The following GNL3L variants were observed in gnomAD, a reference collection of about 807,000 sequenced individuals.
The protein encoded by GNL3L is guanine nucleotide-binding protein-like 3-like protein.
GNL3L carries 4 observed loss-of-function variants against 42.9 expected under a neutral mutation model. The observed-to-expected ratio is 0.09, with a 90% confidence interval of 0.05 to 0.21. The LOEUF (loss-of-function observed/expected upper bound fraction) is 0.21. Among genes scored for constraint, GNL3L ranks in the 10% least tolerant of loss-of-function variants. The pLI, the probability that GNL3L is intolerant of heterozygous loss-of-function variation, is 1.00. For missense variants in GNL3L, 412 were observed against 481.7 expected, an observed-to-expected ratio of 0.86 and a Z score of 1.36; for synonymous variants, 159 against 176.3, an observed-to-expected ratio of 0.90 and a Z score of 0.78.
chrX:54,590,128 C>T (rs191034286), intron 16 of GNL3L, among the ~76,000 whole-genome samples: 17 of 110,749 alleles, frequency 1.5e-4, no homozygotes, highest in African/African-American at 4.6e-4. Context: ...TTAGTAGAGA[C>T]GGAGTTTCAC....
At chrX:54,603,981 A>G (rs1926030196) in intron 16 of GNL3L, among the ~76,000 whole-genome samples, 1 of 110,988 alleles carries the variant, frequency 9.0e-6, no homozygotes, top group African/African-American at 3.3e-5. Flanking sequence ...TACTAAATAT[A>G]TAAAAATTAG....
chrX:54,547,240 G>A (rs1386675707), intron 8 of GNL3L, among the ~76,000 whole-genome samples: 2 of 109,747 alleles, frequency 1.8e-5, no homozygotes, highest in Non-Finnish European at 3.8e-5. Context: ...CAAGTGATCC[G>A]CCTGCCTTGG....
intron 14 of GNL3L, among the ~76,000 whole-genome samples, 188 bp from the exon 15 acceptor site, chrX:54,558,244 CAGAT>C (rs1411420708): frequency 1.8e-5 from 2 of 110,838 alleles, no homozygotes; most frequent in Admixed American, 1.9e-4. Context: ...CCCCATTTGA[CAGAT>C]AGGGAACTGA....
intron 8 of GNL3L, among the ~76,000 whole-genome samples, chrX:54,546,796 G>C (rs1924786344): frequency 9.2e-6 from 1 of 108,625 alleles, no homozygotes. Context: ...ACAGGCATGT[G>C]CTACCACGTC....
chrX:54,590,055 T>C (rs1199640847), intron 16 of GNL3L, among the ~76,000 whole-genome samples: 2 of 110,775 alleles, frequency 1.8e-5, no homozygotes, highest in Admixed American at 1.9e-4. Flanking sequence ...TTCTCCTGCC[T>C]CAGCCTCCCG....
chrX:54,541,639 G>A (rs1156595632), intron 5 of GNL3L, among the ~76,000 whole-genome samples: 2 of 110,099 alleles, frequency 1.8e-5, no homozygotes, highest in African/African-American at 6.6e-5. Context: ...CTGAAGACTG[G>A]GGCTGGTGGC....
intron 16 of GNL3L, among the ~76,000 whole-genome samples, chrX:54,592,824 A>C (rs185418787): frequency 0.011 from 1,216 of 110,738 alleles, 15 homozygotes; most frequent in African/African-American, 0.039. Context: ...CAAAAAAAAA[A>C]AAACAAAAAG....
rs1924559299 is a variant in GNL3L, at chrX:54,540,003, A to ATGAG, written c.82-131_82-128dup. On this transcript the variant is annotated intron_variant, in intron 3 of 15. Coordinates refer to ENST00000360845, the MANE Select transcript of GNL3L (RefSeq NM_001184819.2). ...ACCTTGGGAGTGAGGGGATGAGAGGATGAGAGGATTGAGAGATAGAAGGGG... is the reference window on the plus strand; with the variant it reads ...ACCTTGGGAGTGAGGGGATGAGAGGATGAGTGAGAGGATTGAGAGATAGAAGGGG... 6.3e-6 allele frequency: 3 copies of ATGAG among 475,101 alleles called. No individual in the cohort carries two copies. In the African/African-American group the frequency reaches 7.2e-5, roughly 11 times the overall value. 39.2% of individuals were successfully genotyped at this position (475,101 alleles called of 1,213,427 possible). A position where few individuals can be genotyped will look rare whatever the true frequency, so the allele number is the denominator to read the frequency against.
intron 16 of GNL3L, among the ~76,000 whole-genome samples, chrX:54,613,012 A>G (rs1293205152): frequency 9.0e-6 from 1 of 111,540 alleles, no homozygotes; most frequent in Non-Finnish European, 1.9e-5. Flanking sequence ...TGATTATTCT[A>G]CTGAATATGT....
intron 8 of GNL3L, among the ~76,000 whole-genome samples, 163 bp downstream of exon 8, chrX:54,544,489 G>T (rs1461120739): frequency 9.8e-6 from 1 of 101,685 alleles, no homozygotes; most frequent in Non-Finnish European, 2.0e-5. Flanking sequence ...TTTTTTTTGA[G>T]ATGGAGTTTC....
chrX:54,644,172 T>TTTTTTAG, the GNL3L span, among the ~76,000 whole-genome samples: 1 of 111,712 alleles, frequency 9.0e-6, no homozygotes, highest in South Asian at 3.7e-4. Flanking sequence ...CTAGTTTTAG[T>TTTTTTAG]TTTTTGAGGA....
chrX:54,628,759 G>C, the GNL3L span, among the ~76,000 whole-genome samples: 1 of 107,774 alleles, frequency 9.3e-6, no homozygotes, highest in Non-Finnish European at 1.9e-5. Flanking sequence ...GTAAATTTTG[G>C]ATATTAGTTC....
chrX:54,622,154 CTAA>C (rs1926293669), downstream of GNL3L, among the ~76,000 whole-genome samples: 1 of 109,896 alleles, frequency 9.1e-6, no homozygotes. Context: ...TCTCTAATGA[CTAA>C]TAATGTTGAG....
the GNL3L span, among the ~76,000 whole-genome samples, chrX:54,626,756 T>C: frequency 7.2e-4 from 81 of 112,038 alleles, no homozygotes; most frequent in East Asian, 0.019. Flanking sequence ...TGCATTTACC[T>C]GATCATTAGT....
At position 54,615,588 on chromosome X, in the gene GNL3L, C is replaced by T. The variant is rs777256880; in HGVS notation, c.*46-5257C>T. ...AGATGTTAATGGAGTTAACTGGAGA[C>T]GAAGTCTTCCCCTTTATCTCTACTA... On this transcript the variant is annotated intron_variant, in intron 16 of 16. Coordinates refer to the GNL3L transcript ENST00000674498. Among the ~76,000 whole-genome samples the T allele has an allele frequency of 2.3e-4, 26 of 111,827 alleles. 1 individual carries two copies. The highest frequency in any genetic ancestry group is 1.5e-3 in the Admixed American group (16 of 10,587).
chrX:54,541,307 G>C lies in GNL3L; in HGVS notation c.224G>C (p.Arg75Pro). ...EEMREKQQAAREQERQKRRTI... is the reference protein window; with the variant it reads ...EEMREKQQAAPEQERQKRRTI... ...ATGAGGGAGAAGCAGCAAGCCGCCC[G>C]GGAGCAAGAAAGACAAAAACGCAGG... The change falls in exon 5 of 16, where the codon CGG (arginine) becomes CCG (proline). Residue 75 changes from arginine to proline, a missense_variant. By Grantham distance (103) the Arg-to-Pro change is moderately radical (BLOSUM62 -2). Coordinates refer to ENST00000360845, the MANE Select transcript of GNL3L (RefSeq NM_001184819.2). 8.3e-7 allele frequency: 1 copy of C among 1,209,514 alleles called. No individual in the cohort carries two copies. The highest frequency in any genetic ancestry group is 1.1e-6 in the Non-Finnish European group (1 of 893,658).
rs369689252 is a variant in GNL3L at position 54,549,704 on chromosome X, C to T, written c.776-1259C>T. Among the ~76,000 whole-genome samples, 10 of 111,941 alleles carry T rather than the reference C, an allele frequency of 8.9e-5. No homozygotes were observed. In the South Asian group the frequency reaches 3.3e-3, roughly 37 times the overall value. On this transcript the variant is annotated intron_variant, in intron 9 of 15. Coordinates refer to ENST00000360845, the MANE Select transcript of GNL3L (RefSeq NM_001184819.2). ...TTGAGATCCAGCCTGGGCAACAGAG[C>T]GAGACTCCGTCTCAAAAAAAAGAAG...
At chrX:54,559,448 A>G (rs771320052) in intron 15 of GNL3L, among the ~76,000 whole-genome samples, 73 of 112,018 alleles carry the variant, frequency 6.5e-4, no homozygotes, top group Non-Finnish European at 1.1e-3. Context: ...CTTTTCTGAG[A>G]CACAAGCAAA....
chrX:54,578,053 G>A (rs1925660283), intron 16 of GNL3L, among the ~76,000 whole-genome samples: 1 of 111,847 alleles, frequency 8.9e-6, no homozygotes, highest in Non-Finnish European at 1.9e-5. Context: ...CTTTGTGGTA[G>A]TATTATCGTG....
Sources: allele counts gnomAD v4.1 joint callset (sites outside exome capture counted in the v4.1 genomes callset), GRCh38; gene constraint gnomAD v4.1.1; transcripts MANE v1.5; gene names NCBI Gene and HGNC (gene_info 2026-07-23, HGNC 2026-07-21).